The following ARHGAP15 variants were observed in gnomAD, a reference collection of about 807,000 sequenced individuals.
ARHGAP15 encodes the protein Rho GTPase activating protein 15.
ARHGAP15 carries 51 observed loss-of-function variants against 63.7 expected under a neutral mutation model. The observed-to-expected ratio is 0.80, with a 90% CI of 0.64 to 1.01. The LOEUF is 1.01. ARHGAP15 is among the 50% of genes least tolerant of loss of function. The pLI, the probability that ARHGAP15 is intolerant of heterozygous loss-of-function variation, is 0.00. For synonymous variants in ARHGAP15, 191 were observed against 193.8 expected, an observed-to-expected ratio of 0.99 and a Z score of 0.12; for missense variants, 560 against 564.6, an observed-to-expected ratio of 0.99 and a Z score of 0.08.
intron 6 of ARHGAP15, among the ~76,000 whole-genome samples, chr2:143,326,286 T>C (rs1684247014): frequency 1.3e-5 from 2 of 152,206 alleles, no homozygotes; most frequent in African/African-American, 2.4e-5. Context: ...CAACAACATT[T>C]GATTTACTAT....
intron 12 of ARHGAP15, among the ~76,000 whole-genome samples, chr2:143,662,556 C>T (rs1681881262): frequency 7.5e-6 from 1 of 133,796 alleles, no homozygotes; most frequent in Non-Finnish European, 1.7e-5. Context: ...CGGAACAAAG[C>T]TGGATGGAGA....
chr2:143,356,423 T>G (rs1487220260), intron 6 of ARHGAP15, among the ~76,000 whole-genome samples: 1 of 152,134 alleles, frequency 6.6e-6, no homozygotes, highest in Non-Finnish European at 1.5e-5. Flanking sequence ...TCCCCCACCA[T>G]GATCTTTTAT....
chr2:143,765,286 T>C (rs1256142294), intron 13 of ARHGAP15, among the ~76,000 whole-genome samples: 1 of 152,066 alleles, frequency 6.6e-6, no homozygotes, highest in African/African-American at 2.4e-5. Context: ...AGGAGAGATC[T>C]TAAACTGAGG....
intron 5 of ARHGAP15, among the ~76,000 whole-genome samples, chr2:143,249,055 T>C (rs944696369): frequency 6.6e-6 from 1 of 152,158 alleles, no homozygotes; most frequent in African/African-American, 2.4e-5. Context: ...AAGACTATCA[T>C]TATCATGCTT....
intron 11 of ARHGAP15, among the ~76,000 whole-genome samples, chr2:143,610,465 C>T (rs527462087): frequency 6.6e-6 from 1 of 152,282 alleles, no homozygotes; most frequent in East Asian, 1.9e-4. Context: ...TCTGATGGGT[C>T]ATCTTCCTGA....
chr2:143,337,731 A>G (rs1029420063), intron 6 of ARHGAP15, among the ~76,000 whole-genome samples: 2 of 152,204 alleles, frequency 1.3e-5, no homozygotes, highest in Non-Finnish European at 1.5e-5. Flanking sequence ...CTGGCAAAAT[A>G]TCAAACATAA....
chr2:143,485,263 C>T (rs899009290), intron 8 of ARHGAP15, among the ~76,000 whole-genome samples: 2 of 151,940 alleles, frequency 1.3e-5, no homozygotes, highest in Non-Finnish European at 2.9e-5. Context: ...CTTGAAAGGC[C>T]CTGGTGTGTG....
intron 8 of ARHGAP15, among the ~76,000 whole-genome samples, chr2:143,486,418 A>AAAAAAAC: frequency 6.6e-6 from 1 of 151,828 alleles, no homozygotes; most frequent in African/African-American, 2.4e-5. Context: ...CAAAAAAAAA[A>AAAAAAAC]AAAAAACTTT....
At chr2:143,648,007 T>C (rs1239734826) in intron 12 of ARHGAP15, among the ~76,000 whole-genome samples, 1 of 152,018 alleles carries the variant, frequency 6.6e-6, no homozygotes. Context: ...ATCCTCGGAA[T>C]ATTAGTCCAC....
intron 9 of ARHGAP15, among the ~76,000 whole-genome samples, chr2:143,515,239 A>G (rs1421729951): frequency 7.2e-6 from 1 of 139,710 alleles, no homozygotes; most frequent in East Asian, 2.1e-4. Flanking sequence ...AACCTTCTCA[A>G]GTAGAGTATG....
chr2:143,141,600 C>T (rs1183445176), intron 1 of ARHGAP15, among the ~76,000 whole-genome samples: 5 of 152,054 alleles, frequency 3.3e-5, no homozygotes, highest in African/African-American at 1.2e-4. Context: ...GCAAAGAGCA[C>T]AGCACAATAT....
chr2:143,764,256 T>TC (rs1277877270), intron 13 of ARHGAP15, among the ~76,000 whole-genome samples: 1 of 151,722 alleles, frequency 6.6e-6, no homozygotes, highest in Non-Finnish European at 1.5e-5. Flanking sequence ...ATTACAGGAG[T>TC]CCCCCACGGT....
At chr2:143,475,354 C>T (rs1423974301) in intron 8 of ARHGAP15, among the ~76,000 whole-genome samples, 1 of 152,216 alleles carries the variant, frequency 6.6e-6, no homozygotes, top group Non-Finnish European at 1.5e-5. Flanking sequence ...CAGAGCACCC[C>T]TTGCATTTTT....
intron 6 of ARHGAP15, among the ~76,000 whole-genome samples, chr2:143,285,684 A>G (rs188569495): frequency 6.6e-6 from 1 of 152,310 alleles, no homozygotes; most frequent in African/African-American, 2.4e-5. Flanking sequence ...TCATGTTAAT[A>G]TAGTATCAGT....
intron 6 of ARHGAP15, among the ~76,000 whole-genome samples, chr2:143,423,971 A>G (rs1180638050): frequency 6.6e-6 from 1 of 152,182 alleles, no homozygotes; most frequent in African/African-American, 2.4e-5. Flanking sequence ...TGCAACATAC[A>G]TTAAATAATT....
At chr2:143,303,564 T>A (rs1683019240) in intron 6 of ARHGAP15, among the ~76,000 whole-genome samples, 1 of 152,084 alleles carries the variant, frequency 6.6e-6, no homozygotes, top group Non-Finnish European at 1.5e-5. Flanking sequence ...GGGCAAGGAC[T>A]TCATGTCTAA....
intron 6 of ARHGAP15, among the ~76,000 whole-genome samples, chr2:143,306,041 T>A (rs903853227): frequency 6.6e-6 from 1 of 152,150 alleles, no homozygotes; most frequent in African/African-American, 2.4e-5. Context: ...GGTTGTTTTT[T>A]AATTTTGGAA....
intron 2 of ARHGAP15, among the ~76,000 whole-genome samples, chr2:143,189,349 C>T (rs1009173171): frequency 9.2e-5 from 14 of 152,254 alleles, no homozygotes; most frequent in Non-Finnish European, 1.9e-4. Flanking sequence ...TAAGCTCTTT[C>T]AGTCAGAGGC....
chr2:143,343,090 G>C (rs1685131157), intron 6 of ARHGAP15, among the ~76,000 whole-genome samples: 1 of 152,106 alleles, frequency 6.6e-6, no homozygotes, highest in African/African-American at 2.4e-5. Flanking sequence ...AGTATTTAGA[G>C]AGTGATGAAG....
Sources: allele counts gnomAD v4.1 joint callset (sites outside exome capture counted in the v4.1 genomes callset), GRCh38; gene constraint gnomAD v4.1.1; transcripts MANE v1.5; gene names NCBI Gene and HGNC (gene_info 2026-07-23, HGNC 2026-07-21).